Variants in ADAMTS13 observed in about 807,000 individuals in gnomAD.
ADAMTS13 encodes the protein ADAM metallopeptidase with thrombospondin type 1 motif 13.
Under a neutral mutation model 155.1 loss-of-function variants are expected in ADAMTS13, and 110 were observed. The ratio of observed to expected loss-of-function variants is 0.71; its 90% confidence interval spans 0.61 to 0.83. The LOEUF is 0.83. ADAMTS13 is among the 40% of genes least tolerant of loss of function. The pLI is 0.00. For synonymous variants in ADAMTS13, 758 were observed against 756.4 expected (o/e 1.00, Z -0.03); for missense variants, 1,707 against 1,891.7 (o/e 0.90, Z 1.81).
chr9:133,423,245 TCTGG>T, intron 2 of ADAMTS13, 78 bp downstream of exon 2: 6 of 1,412,522 alleles, frequency 4.2e-6, no homozygotes, highest in Non-Finnish European at 5.0e-6. Flanking sequence ...GAGTCAGTGG[TCTGG>T]GATTTTTGGT....
rs941355554 is a variant in ADAMTS13, at chr9:133,457,420, G to A, written c.3725-490G>A. On this transcript the variant is annotated intron_variant, in intron 27 of 28. Transcript: ENST00000355699. ...CGTGTATGTGTCCCAGTGCACAGGC[G>A]CTGCTGGGCCCTGCCAAAAGGCCAC... is the stretch of plus-strand genomic sequence containing the variant. 3.9e-5 allele frequency among the ~76,000 whole-genome samples: 6 copies of A among 152,258 alleles called. No homozygotes were observed. The South Asian group carries it at 6.2e-4, about 16-fold the overall frequency.
intron 22 of ADAMTS13, among the ~76,000 whole-genome samples, chr9:133,449,040 G>A (rs1842259038): frequency 6.6e-6 from 1 of 152,234 alleles, no homozygotes; most frequent in Non-Finnish European, 1.5e-5. Flanking sequence ...GACCCTCAGT[G>A]TCCTCACCAG....
intron 9 of ADAMTS13, 132 bp downstream of exon 9, chr9:133,432,824 A>G: frequency 1.1e-6 from 1 of 921,932 alleles, no homozygotes; most frequent in East Asian, 2.6e-5. Context: ...GGCCTTGGGG[A>G]CTGTCCTTTG....
At chr9:133,458,920 G>C in intron 28 of ADAMTS13, 54 bp from the exon 29 acceptor site, 1 of 1,520,398 alleles carries the variant, frequency 6.6e-7, no homozygotes, top group Non-Finnish European at 9.1e-7. Flanking sequence ...AGGCTTCCGT[G>C]AGTGCTAATT....
In ADAMTS13 at chr9:133,456,764, G is replaced by T; in HGVS notation, c.3724+45G>T. 2 of 1,549,594 alleles carry T rather than the reference G, an allele frequency of 1.3e-6. No individual in the cohort carries two copies. The highest frequency in any genetic ancestry group is 1.7e-6 in the Non-Finnish European group (2 of 1,146,192). ...ACCTCCCTTGGGTGCTCCAGTCCTG[G>T]CAGGGAGGCTGGGTGGGTGCTGCTG... On this transcript the variant is annotated intron_variant, in intron 27 of 28. Transcript: ENST00000355699. The surrounding 1 kb of genome is among the most constrained non-coding windows in gnomAD (Gnocchi z 4.4).
Position 133,439,403 on chromosome 9 carries a change from C to G in ADAMTS13, c.1743C>G (p.Thr581=). ...VTFLTVTPNL[T]SVYIANHRPL... is the part of the protein sequence containing the mutation. The stretch of plus-strand genomic sequence containing the variant: ...TTCTGACAGTTACCCCCAACCTGAC[C>G]AGTGTCTACATTGCCAACCACAGGC... Residue 581 remains threonine (T), a synonymous_variant, in exon 15 of 29, where the codon ACC becomes ACG. Transcript: ENST00000355699. 1.2e-6 allele frequency: 2 copies of G among 1,614,102 alleles called. No individual in the cohort carries two copies. Among genetic ancestry groups the G allele is most frequent in the Non-Finnish European group, 1.7e-6 (2 of 1,179,948 alleles).
upstream of ADAMTS13, among the ~76,000 whole-genome samples, chr9:133,419,104 C>T (rs28508232): frequency 0.057 from 8,593 of 152,086 alleles, 338 homozygotes; most frequent in Non-Finnish European, 0.087. Context: ...CCTCCCAAAG[C>T]GCTGGGATTA....
At chr9:133,426,774 C>T (rs1295254231) in intron 6 of ADAMTS13, among the ~76,000 whole-genome samples, 2 of 151,582 alleles carry the variant, frequency 1.3e-5, no homozygotes, top group Non-Finnish European at 2.9e-5. Flanking sequence ...CTGTGCATTG[C>T]TTTGTTACCT....
At chr9:133,457,837 T>C in intron 27 of ADAMTS13, 73 bp from the exon 28 acceptor site, 1 of 1,592,692 alleles carries the variant, frequency 6.3e-7, no homozygotes, top group Non-Finnish European at 8.6e-7. Flanking sequence ...CACGGCTCCC[T>C]GGCTGTGAGT....
intron 22 of ADAMTS13, among the ~76,000 whole-genome samples, chr9:133,449,405 G>A (rs1356209355): frequency 1.4e-5 from 2 of 144,540 alleles, no homozygotes; most frequent in Non-Finnish European, 3.0e-5. Context: ...TGTTCAGTGC[G>A]ATGCAGCCAA....
At chr9:133,448,792 G>A in intron 22 of ADAMTS13, 64 bp downstream of exon 22, 1 of 1,572,176 alleles carries the variant, frequency 6.4e-7, no homozygotes, top group Non-Finnish European at 8.6e-7. Flanking sequence ...CCGAGCCTTG[G>A]CTCCATGCCC....
In ADAMTS13 at chr9:133,459,283, T is replaced by G; in HGVS notation, c.*103T>G. The G allele has an allele frequency of 8.4e-7, 1 of 1,187,608 alleles. No individual in the cohort carries two copies. Among genetic ancestry groups the G allele is most frequent in the South Asian group, 1.3e-5 (1 of 76,054 alleles). 73.6% of individuals were successfully genotyped at this position (1,187,608 alleles called of 1,614,324 possible). A position where few individuals can be genotyped will look rare whatever the true frequency, so the allele number is the denominator to read the frequency against. ...TTTTTCCAATCTTAGGTATCTACTT[T>G]AGAGTCTTCTCCAATGTCCAAAAGG... On this transcript the variant is annotated 3_prime_UTR_variant, in exon 29 of 29. Transcript: ENST00000355699.
chr9:133,455,069 CAG>C (rs1842660188), intron 24 of ADAMTS13, among the ~76,000 whole-genome samples: 1 of 152,300 alleles, frequency 6.6e-6, no homozygotes, highest in African/African-American at 2.4e-5. Flanking sequence ...GTGAGGGTGA[CAG>C]GGACCCAGAC....
In ADAMTS13 at chr9:133,428,618, C is replaced by A; in HGVS notation, c.687-16C>A. ...CCTGCCGGCCGCCTTAGCGCAACTC[C>A]CCGCCCCCCGACCAGCTTCGGCCTG... On this transcript the variant is annotated splice_polypyrimidine_tract_variant and intron_variant, in intron 6 of 28. Coordinates refer to ENST00000355699, the MANE Select transcript of ADAMTS13 (RefSeq NM_139027.6). The A allele has an allele frequency of 2.3e-6, 3 of 1,290,752 alleles. No homozygotes were observed. Among genetic ancestry groups the A allele is most frequent in the Admixed American group, 3.4e-5 (1 of 29,226 alleles). 80.0% of individuals were successfully genotyped at this position (1,290,752 alleles called of 1,614,324 possible). A position where few individuals can be genotyped will look rare whatever the true frequency, so the allele number is the denominator to read the frequency against.
Position 133,432,607 on chromosome 9 carries a change from C to T in ADAMTS13, c.1007C>T (p.Ser336Phe). The T allele has an allele frequency of 1.3e-6, 2 of 1,554,438 alleles. No individual in the cohort carries two copies. The highest frequency in any genetic ancestry group is 1.7e-6 in the Non-Finnish European group (2 of 1,148,664). The part of the protein sequence containing the change: ...REHLDMCQAL[S>F]CHTDPLDQSS... ...TCCTAGGATATGTGCCAGGCCCTCT[C>T]CTGCCACACAGACCCGCTGGACCAA... is the stretch of plus-strand genomic sequence containing the variant. The change falls in exon 9 of 29, where the codon TCC becomes TTC. Residue 336 changes from serine to phenylalanine, a missense_variant. Ser to Phe is a radical substitution (Grantham distance 155, BLOSUM62 -2). This residue lies in a region of ADAMTS13 where 733 missense variants were observed against 749.6 expected (regional missense o/e 0.98). Coordinates refer to ENST00000355699, the MANE Select transcript of ADAMTS13 (RefSeq NM_139027.6).
intron 1 of ADAMTS13, chr9:133,415,938 G>A (rs1374518754): frequency 1.3e-5 from 2 of 152,458 alleles, no homozygotes; most frequent in South Asian, 2.1e-4. Context: ...GCTGAGGTGG[G>A]AGGATTGCTT....
chr9:133,433,356 T>C (rs1554788038), intron 9 of ADAMTS13, 22 bp from the exon 10 acceptor site: 3 of 1,612,026 alleles, frequency 1.9e-6, no homozygotes, highest in Admixed American at 1.7e-5. Context: ...GGATGGGAGA[T>C]GAAGCCATCC....
intron 6 of ADAMTS13, among the ~76,000 whole-genome samples, chr9:133,427,960 G>T (rs1840392638): frequency 6.6e-6 from 1 of 152,224 alleles, no homozygotes; most frequent in Non-Finnish European, 1.5e-5. Flanking sequence ...GCACACTGGT[G>T]GGCGTGTCTT....
rs1840118681 is a variant in ADAMTS13 at position 133,424,098 on chromosome 9, T to C, written c.173-223T>C. On this transcript the variant is annotated intron_variant, in intron 2 of 28. Transcript: ENST00000355699. The surrounding 1 kb of genome is among the most constrained non-coding windows in gnomAD (Gnocchi z 4.3). Reference sequence around the variant, plus strand: ...CCACCAGGGCAGTGGGAATCTTGTCTTGATGGGGTGACCCAAAGCACACAA... The same window carrying C: ...CCACCAGGGCAGTGGGAATCTTGTCCTGATGGGGTGACCCAAAGCACACAA... Among the ~76,000 whole-genome samples the C allele has an allele frequency of 6.6e-6, 1 of 152,226 alleles. No individual in the cohort carries two copies. Among genetic ancestry groups the C allele is most frequent in the Admixed American group, 6.5e-5 (1 of 15,292 alleles).
Sources: allele counts gnomAD v4.1 joint callset (sites outside exome capture counted in the v4.1 genomes callset), GRCh38; gene constraint gnomAD v4.1.1; regional missense constraint gnomAD v4.1.1; non-coding constraint Gnocchi (gnomAD v3.1); transcripts MANE v1.5; gene names NCBI Gene and HGNC (gene_info 2026-07-23, HGNC 2026-07-21).